Variants in PDE4A observed in about 807,000 individuals in gnomAD.
PDE4A encodes phosphodiesterase 4A, also known as 3',5'-cyclic-AMP phosphodiesterase 4A.
In PDE4A, 21 loss-of-function variants were observed where a neutral mutation model predicts 73.9. The ratio of observed to expected loss-of-function variants is 0.28; its 90% CI spans 0.20 to 0.41. PDE4A has a LOEUF of 0.41. Ranked by LOEUF, PDE4A falls within the 10% of genes least tolerant of loss-of-function variation. The pLI, the probability that PDE4A is intolerant of heterozygous loss-of-function variation, is 1.00. For missense variants in PDE4A, 958 were observed against 1,211.4 expected (o/e 0.79, Z 3.10); for synonymous variants, 463 against 505.4 (o/e 0.92, Z 1.13).
chr19:10,438,422 A>C (rs1416105919), intron 1 of PDE4A, among the ~76,000 whole-genome samples: 1 of 151,462 alleles, frequency 6.6e-6, no homozygotes, highest in East Asian at 2.0e-4. Flanking sequence ...GGACTTTTTA[A>C]TGTTCTCAGA....
chr19:10,454,174 C>T (rs1025513776), intron 6 of PDE4A, among the ~76,000 whole-genome samples: 2 of 152,094 alleles, frequency 1.3e-5, no homozygotes, highest in Non-Finnish European at 2.9e-5. Context: ...GGAGAGTGGG[C>T]TATGATGAGA....
intron 7 of PDE4A, among the ~76,000 whole-genome samples, chr19:10,457,186 G>A (rs10416143): frequency 0.22 from 33,987 of 151,950 alleles, 4,139 homozygotes; most frequent in East Asian, 0.47. Context: ...GCGACAGAGC[G>A]AGACTCTGTC....
rs539585337 is a variant in PDE4A, at chr19:10,438,182, G to A, written c.321-8036G>A. On this transcript the variant is annotated intron_variant, in intron 1 of 14. Transcript: ENST00000380702. ...GGCTGGAGTGCAGTGGCGCAATCTC[G>A]GCTCACTGCAACCTTCGCCTCCCGG... is the stretch of plus-strand genomic sequence containing the variant. Among the ~76,000 whole-genome samples, 8 of 149,580 alleles carry A rather than the reference G, an allele frequency of 5.3e-5. 1 individual carries two copies. The East Asian group carries it at 1.2e-3, about 22-fold the overall frequency.
chr19:10,466,056 G>T (rs546393148), intron 14 of PDE4A, among the ~76,000 whole-genome samples: 2 of 149,038 alleles, frequency 1.3e-5, no homozygotes, highest in Admixed American at 6.8e-5. Flanking sequence ...AGGCTGGAGT[G>T]CAATGGCACA....
chr19:10,458,458 G>T lies in PDE4A; in HGVS notation c.1101+356G>T, dbSNP rs59919460. 0.22 allele frequency among the ~76,000 whole-genome samples: 33,076 copies of T among 152,026 alleles called. 3,879 individuals are homozygous for T. The highest frequency in any genetic ancestry group is 0.26 in the African/African-American group (10,874 of 41,426). On this transcript the variant is annotated intron_variant, in intron 8 of 14. Transcript: ENST00000380702. The surrounding 1 kb of genome is among the most constrained non-coding windows in gnomAD (Gnocchi z 4.6). ...CTGTGCCCCCATAGTGTCCCCAACA[G>T]TCCAGACCGGTGTTTCACTCCTAGC...
chr19:10,420,549 G>C lies in PDE4A; in HGVS notation c.-216G>C, dbSNP rs2042635733. The C allele has an allele frequency of 1.7e-6, 2 of 1,176,022 alleles. No homozygotes were observed. Among genetic ancestry groups the C allele is most frequent in the South Asian group, 4.3e-5 (1 of 23,434 alleles). 72.8% of individuals were successfully genotyped at this position (1,176,022 alleles called of 1,614,324 possible). On this transcript the variant is annotated 5_prime_UTR_variant, in exon 1 of 15. Coordinates refer to ENST00000380702, the MANE Select transcript of PDE4A (RefSeq NM_001111307.2). The surrounding 1 kb of genome is among the most constrained non-coding windows in gnomAD (Gnocchi z 6.0). ...GCGCGGAGCGCGGAGAGCGCCGCCG[G>C]GCACTGAGCAGAGCTCCAGGCGCCG...
chr19:10,432,652 C>T, intron 1 of PDE4A: 5 of 1,359,758 alleles, frequency 3.7e-6, no homozygotes, highest in East Asian at 3.1e-5. Flanking sequence ...GGTGCTGAGT[C>T]TACCTGGGTG....
rs1286242826 is a variant in PDE4A, at chr19:10,450,639, G to T, written c.657G>T (p.Lys219Asn). 2.5e-6 allele frequency: 4 copies of T among 1,610,078 alleles called. No individual in the cohort carries two copies. Among genetic ancestry groups the T allele is most frequent in the Non-Finnish European group, 2.5e-6 (3 of 1,178,730 alleles). Residue 219 changes from lysine (K) to asparagine (N), a missense_variant, in exon 5 of 15, where the codon AAG becomes AAT. This residue lies in a region of PDE4A where 570 missense variants were observed against 827.7 expected (regional missense o/e 0.69). Transcript: ENST00000380702. Reference protein sequence around the residue: ...SPLGGPTPVCKATLSEETCQQ... With the variant: ...SPLGGPTPVCNATLSEETCQQ... ...TGGGCGGCCCCACCCCTGTCTGCAA[G>T]GCCACGCTGTCAGGTAGCTAAGCCC...
chr19:10,420,517 A>ACGCGGAGCGCGGAG (rs927550639), upstream of PDE4A: 45 of 1,047,682 alleles, frequency 4.3e-5, no homozygotes, highest in South Asian at 2.8e-4. The surrounding 1 kb of genome is among the most constrained non-coding windows in gnomAD (Gnocchi z 6.0). Context: ...GGGCCGCGGA[A>ACGCGGAGCGCGGAG]CGCGGAGCGC....
chr19:10,461,830 C>G (rs2043278134), intron 12 of PDE4A, 47 bp from the exon 13 acceptor site: 1 of 1,599,868 alleles, frequency 6.3e-7, no homozygotes, highest in East Asian at 2.2e-5. Context: ...CCGGGTCAGT[C>G]TGGGGGGCGG....
At chr19:10,417,154 C>A (rs2042596246), upstream of PDE4A, 3 of 982,830 alleles carry the variant, frequency 3.1e-6, no homozygotes, top group Non-Finnish European at 3.6e-6. Flanking sequence ...TCCATTTTTT[C>A]TCCTGCTGCC....
chr19:10,452,663 G>A (rs2043110511), intron 6 of PDE4A, among the ~76,000 whole-genome samples: 1 of 152,010 alleles, frequency 6.6e-6, no homozygotes, highest in African/African-American at 2.4e-5. Context: ...AAGCATTTGA[G>A]TATCTGTGTA....
Position 10,421,117 on chromosome 19 carries a change from G to C in PDE4A, c.320+33G>C, listed in dbSNP as rs2042645637. ...TCCCCGCGGCGGATGCGCGCGGAAC[G>C]GATGGGCGCGCAGGGAGGAGGCAAC... On this transcript the variant is annotated intron_variant, in intron 1 of 14. Coordinates refer to ENST00000380702, the MANE Select transcript of PDE4A (RefSeq NM_001111307.2). 5.9e-6 allele frequency: 8 copies of C among 1,350,864 alleles called. No individual in the cohort carries two copies. The Admixed American group carries it at 1.2e-4, about 21-fold the overall frequency. 83.7% of individuals were successfully genotyped at this position (1,350,864 alleles called of 1,614,324 possible).
Position 10,467,625 on chromosome 19 carries a change from C to G in PDE4A, c.*4C>G. On this transcript the variant is annotated 3_prime_UTR_variant, in exon 15 of 15. Transcript: ENST00000380702. The stretch of plus-strand genomic sequence containing the variant: ...GTCAGGTGGAGACCCTACCTGATCC[C>G]CAGACCTCTGTCCCTGTTCCCCTCC... 1 of 1,545,330 alleles carries G rather than the reference C, an allele frequency of 6.5e-7. No individual in the cohort carries two copies. The highest frequency in any genetic ancestry group is 8.7e-7 in the Non-Finnish European group (1 of 1,144,114).
At position 10,451,998 on chromosome 19, in the gene PDE4A, G is replaced by A. The variant is rs953510751; in HGVS notation, c.783+1057G>A. 8.1e-5 allele frequency among the ~76,000 whole-genome samples: 12 copies of A among 147,248 alleles called. 1 individual carries two copies. In the South Asian group the frequency reaches 2.4e-3, roughly 29 times the overall value. On this transcript the variant is annotated intron_variant, in intron 6 of 14. Coordinates refer to ENST00000380702, the MANE Select transcript of PDE4A (RefSeq NM_001111307.2). The stretch of plus-strand genomic sequence containing the variant: ...AAATGTAGCTGTGTCTTTGGATATG[G>A]GTCTGAGGATGTTTCTGCAATGGTG...
chr19:10,434,827 G>A (rs1309602780), intron 1 of PDE4A, among the ~76,000 whole-genome samples: 1 of 150,228 alleles, frequency 6.7e-6, no homozygotes, highest in Admixed American at 6.6e-5. Flanking sequence ...CTGACCTCAA[G>A]TGATCTGCCC....
chr19:10,430,665 G>A (rs930874698), intron 1 of PDE4A, among the ~76,000 whole-genome samples: 2 of 151,712 alleles, frequency 1.3e-5, no homozygotes, highest in African/African-American at 2.4e-5. Context: ...CACCAGAGCC[G>A]TGCGGGCGCC....
intron 11 of PDE4A, 129 bp downstream of exon 11, chr19:10,461,232 G>A (rs1220715425): frequency 1.6e-6 from 2 of 1,263,694 alleles, no homozygotes; most frequent in East Asian, 5.5e-5. Flanking sequence ...CCTGGAAAGG[G>A]GATGGCCGGG....
chr19:10,445,872 C>T (rs1044890482), intron 1 of PDE4A, among the ~76,000 whole-genome samples: 2 of 138,640 alleles, frequency 1.4e-5, no homozygotes, highest in Admixed American at 7.3e-5. Context: ...TTGTCTTGCT[C>T]TGTCACCCAG....
Sources: allele counts gnomAD v4.1 joint callset (sites outside exome capture counted in the v4.1 genomes callset), GRCh38; gene constraint gnomAD v4.1.1; regional missense constraint gnomAD v4.1.1; non-coding constraint Gnocchi (gnomAD v3.1); transcripts MANE v1.5; gene names NCBI Gene and HGNC (gene_info 2026-07-23, HGNC 2026-07-21).